MCF2: variants seen among roughly 807,000 people sequenced by gnomAD.
MCF2 encodes the protein proto-oncogene DBL.
A neutral mutation model predicts 82.5 loss-of-function variants in MCF2; 44 were observed. The ratio of observed to expected loss-of-function variants is 0.53; its 90% CI spans 0.42 to 0.69. The LOEUF (loss-of-function observed/expected upper bound fraction) is 0.69. MCF2 is among the 30% of genes least tolerant of loss of function. The pLI is 0.00. For missense variants in MCF2, 623 were observed against 663.1 expected (o/e 0.94, Z 0.66); for synonymous variants, 217 against 224.9 (o/e 0.96, Z 0.32).
At chrX:139,585,269 T>G (rs887351227) in intron 23 of MCF2, 91 bp from the exon 28 acceptor site, 1 of 522,950 alleles carries the variant, frequency 1.9e-6, no homozygotes, top group African/African-American at 2.4e-5. Flanking sequence ...CTTTAAAAAG[T>G]TGAATTTAAA....
chrX:139,604,268 T>A lies in MCF2; in HGVS notation c.1743+413A>T, dbSNP rs752347449. 1.1e-4 allele frequency among the ~76,000 whole-genome samples: 12 copies of A among 109,910 alleles called. No individual in the cohort carries two copies. In the South Asian group the frequency reaches 1.6e-3, roughly 15 times the overall value. On this transcript the variant is annotated intron_variant, in intron 15 of 24. Coordinates refer to ENST00000370576, the Ensembl canonical transcript of MCF2. ...CAGACTAGATCCAATTCTAAAACTT[T>A]ACATGTATTTTAATAAGACAAATAA...
chrX:139,599,680 G>A (rs1156242209), intron 16 of MCF2, among the ~76,000 whole-genome samples: 1 of 111,548 alleles, frequency 9.0e-6, no homozygotes, highest in Non-Finnish European at 1.9e-5. Flanking sequence ...TGAGGATATG[G>A]AGCAATTAAT....
chrX:139,607,836 A>G (rs1931167769), intron 11 of MCF2, 57 bp from the exon 16 acceptor site: 6 of 764,900 alleles, frequency 7.8e-6, no homozygotes, highest in Non-Finnish European at 9.9e-6. Context: ...ATTTTTCTTC[A>G]AGGCGATCCA....
At chrX:139,592,242 A>T (rs1929582721) in intron 19 of MCF2, among the ~76,000 whole-genome samples, 1 of 111,677 alleles carries the variant, frequency 9.0e-6, no homozygotes, top group East Asian at 2.8e-4. Flanking sequence ...GTCAGGTATT[A>T]TTTAATTTTT....
chrX:139,602,648 T>C, intron 15 of MCF2, 150 bp from the exon 20 acceptor site: 3 of 419,402 alleles, frequency 7.2e-6, no homozygotes, highest in Non-Finnish European at 8.3e-6. Context: ...GCCTTTTTTA[T>C]ATTCCAAGAA....
At chrX:139,583,638 C>T (rs111619386) in intron 24 of MCF2, among the ~76,000 whole-genome samples, 1,934 of 111,471 alleles carry the variant, frequency 0.017, 41 homozygotes, top group African/African-American at 0.058. Flanking sequence ...TGAAAAACTA[C>T]ATGTTGGGTA....
intron 1 of MCF2, among the ~76,000 whole-genome samples, chrX:139,677,964 G>A (rs1219227751): frequency 1.8e-5 from 2 of 111,207 alleles, no homozygotes; most frequent in Non-Finnish European, 3.8e-5. Context: ...GGAGTTCAAG[G>A]GCAGCTGGGC....
intron 1 of MCF2, among the ~76,000 whole-genome samples, chrX:139,699,121 C>T (rs1220354758): frequency 9.0e-6 from 1 of 111,634 alleles, no homozygotes; most frequent in East Asian, 2.8e-4. Context: ...ATGAAAATAA[C>T]CGTATCAATG....
chrX:139,694,243 G>A (rs1311472636), intron 1 of MCF2, among the ~76,000 whole-genome samples: 2 of 110,673 alleles, frequency 1.8e-5, no homozygotes, highest in Non-Finnish European at 3.8e-5. Flanking sequence ...TGTTTTCTAC[G>A]TATGTGAAAA....
exon 25 of MCF2, chrX:139,582,153 A>C: frequency 3.2e-6 from 1 of 316,986 alleles, no homozygotes; most frequent in Non-Finnish European, 5.5e-6. Context: ...TAAACTAAAT[A>C]ATCCAAGGCA....
chrX:139,635,697 TAAAAG>T (rs747160273), intron 1 of MCF2, among the ~76,000 whole-genome samples: 2 of 111,508 alleles, frequency 1.8e-5, no homozygotes, highest in Non-Finnish European at 3.8e-5. Context: ...TTACAGGAAT[TAAAAG>T]AAATAATGAA....
rs111616445 is a variant in MCF2 at position 139,626,815 on chromosome X, T to C, written c.439-59A>G. ...TAGTAATCCAACCTGAATGATGTGA[T>C]GGGAAGGGAGCATACAACTATGGCA... On this transcript the variant is annotated intron_variant, in intron 4 of 24. Coordinates refer to ENST00000370576, the Ensembl canonical transcript of MCF2. 6.6e-4 allele frequency: 670 copies of C among 1,015,495 alleles called. 5 individuals are homozygous for C. The African/African-American group carries it at 0.011, about 17-fold the overall frequency. The allele number at this position is 1,015,495 out of a possible 1,213,427, so 83.7% of individuals were successfully genotyped here.
At chrX:139,668,380 A>G (rs1178124756) in intron 1 of MCF2, among the ~76,000 whole-genome samples, 3 of 111,713 alleles carry the variant, frequency 2.7e-5, no homozygotes, top group Non-Finnish European at 5.6e-5. Flanking sequence ...TGTGGGTCCT[A>G]GTGCTAGTTC....
rs771323328 is a variant in MCF2 at position 139,671,469 on chromosome X, C to T, written c.-44-19681G>A. ...TAGGTCTAACATTTAAGTCTTTAATCCATCTTGAATTAATTTTTGTATAAG... is the reference window on the plus strand; with the variant it reads ...TAGGTCTAACATTTAAGTCTTTAATTCATCTTGAATTAATTTTTGTATAAG... On this transcript the variant is annotated intron_variant, in intron 1 of 27. Coordinates refer to the MCF2 transcript ENST00000414978. Among the ~76,000 whole-genome samples, 870 of 111,477 alleles carry T rather than the reference C, an allele frequency of 7.8e-3. 11 individuals are homozygous for T. Among genetic ancestry groups the T allele is most frequent in the African/African-American group, 0.027 (837 of 30,620 alleles).
intron 1 of MCF2, among the ~76,000 whole-genome samples, chrX:139,694,314 T>C (rs1368091945): frequency 9.6e-6 from 1 of 103,659 alleles, no homozygotes; most frequent in East Asian, 3.1e-4. Context: ...TAAACAAAAG[T>C]CAAATCACAA....
chrX:139,615,913 T>C (rs1456810793), intron 9 of MCF2, among the ~76,000 whole-genome samples: 1 of 111,620 alleles, frequency 9.0e-6, no homozygotes, highest in Non-Finnish European at 1.9e-5. Context: ...CTGCTGATGG[T>C]CACTGCAGCA....
intron 6 of MCF2, among the ~76,000 whole-genome samples, chrX:139,625,698 A>G (rs1035121356): frequency 3.6e-4 from 40 of 112,092 alleles, no homozygotes; most frequent in African/African-American, 1.3e-3. Context: ...GGAAGGTCCA[A>G]TTGGAATGTA....
chrX:139,685,299 A>C (rs2148568804), intron 1 of MCF2, among the ~76,000 whole-genome samples: 1 of 111,264 alleles, frequency 9.0e-6, no homozygotes, highest in African/African-American at 3.3e-5. Flanking sequence ...CAAAGAAAGA[A>C]GAAGTAAAAA....
At chrX:139,623,617 T>C (rs1271145000) in intron 6 of MCF2, among the ~76,000 whole-genome samples, 3 of 110,730 alleles carry the variant, frequency 2.7e-5, no homozygotes, top group Non-Finnish European at 5.7e-5. Context: ...AACTAACTAT[T>C]GGATATTATG....
Sources: allele counts gnomAD v4.1 joint callset (sites outside exome capture counted in the v4.1 genomes callset), GRCh38; gene constraint gnomAD v4.1.1; transcripts MANE v1.5; gene names NCBI Gene and HGNC (gene_info 2026-07-23, HGNC 2026-07-21).